MYSM1: variants seen among roughly 807,000 people sequenced by gnomAD.
The protein encoded by MYSM1 is deubiquitinase MYSM1.
Under a neutral mutation model 116.0 loss-of-function variants are expected in MYSM1, and 51 were observed. The observed-to-expected ratio is 0.44, with a 90% CI of 0.35 to 0.56. MYSM1 has a LOEUF of 0.56. Ranked by LOEUF, MYSM1 falls within the 20% of genes least tolerant of loss-of-function variation. The pLI, the probability that MYSM1 is intolerant of heterozygous loss-of-function variation, is 0.00. For missense variants in MYSM1, 900 were observed against 974.9 expected (o/e 0.92, Z 1.02); for synonymous variants, 313 against 315.2 (o/e 0.99, Z 0.07).
Position 58,672,064 on chromosome 1 carries a change from TA to T in MYSM1, c.1573-107del, listed in dbSNP as rs1411595113. 6.0e-5 allele frequency: 47 copies of T among 788,022 alleles called. No homozygotes were observed. The Admixed American group carries it at 1.2e-3, about 19-fold the overall frequency. The allele number at this position is 788,022 out of a possible 1,614,324, so 48.8% of individuals were successfully genotyped here. On this transcript the variant is annotated intron_variant, in intron 11 of 19. Transcript: ENST00000472487. ...AAGGGCATGTGAGGACAAGAGAGAC[TA>T]AATTGATATAGATGGGCTTCCTTTT...
intron 9 of MYSM1, among the ~76,000 whole-genome samples, chr1:58,676,291 C>G (rs1330745899): frequency 6.6e-6 from 1 of 151,878 alleles, no homozygotes; most frequent in Non-Finnish European, 1.5e-5. Flanking sequence ...TGGCATGCGC[C>G]TGTAGTCCCA....
rs901280980 is a variant in MYSM1 at position 58,682,322 on chromosome 1, G to C, written c.722C>G (p.Ser241Cys). The C allele has an allele frequency of 6.2e-7, 1 of 1,613,758 alleles. No homozygotes were observed. Among genetic ancestry groups the C allele is most frequent in the South Asian group, 1.1e-5 (1 of 91,074 alleles). ...AAAGTCTAACAAGAGATCACTGCTA[G>C]AATTCTTCTGGGGTGTTTGAGAAGA... Reference protein sequence around the residue: ...ELSSQTPQKNSSSDLLLDFPN... With the variant: ...ELSSQTPQKNCSSDLLLDFPN... The change falls in exon 8 of 20, where the codon TCT becomes TGT. Residue 241 changes from serine (S) to cysteine (C), a missense_variant. Coordinates refer to ENST00000472487, the MANE Select transcript of MYSM1 (RefSeq NM_001085487.3).
At chr1:58,685,621 C>T (rs1436916601) in intron 6 of MYSM1, among the ~76,000 whole-genome samples, 2 of 151,476 alleles carry the variant, frequency 1.3e-5, no homozygotes, top group Non-Finnish European at 3.0e-5. Context: ...TCCATTTATA[C>T]GATCAACTGA....
intron 14 of MYSM1, 91 bp from the exon 15 acceptor site, chr1:58,668,012 A>G: frequency 1.1e-6 from 1 of 880,024 alleles, no homozygotes. Context: ...GTCATTTGTA[A>G]GTATAGCCAT....
Position 58,695,663 on chromosome 1 carries a change from A to T in MYSM1, c.69-456T>A, listed in dbSNP as rs146998039. On this transcript the variant is annotated intron_variant, in intron 1 of 19. Transcript: ENST00000472487. ...TAGCACCACCTATAAAATGAAAGAA[A>T]AAAAAAAAACTAGATGAGAGAACCA... Among the ~76,000 whole-genome samples the T allele has an allele frequency of 6.6e-3, 1,010 of 152,052 alleles. 6 individuals carry two copies. The highest frequency in any genetic ancestry group is 0.019 in the East Asian group (101 of 5,182).
intron 17 of MYSM1, among the ~76,000 whole-genome samples, chr1:58,663,630 T>C (rs1022115849): frequency 1.3e-5 from 2 of 152,252 alleles, no homozygotes; most frequent in Non-Finnish European, 2.9e-5. Context: ...GGGAGCATCA[T>C]GGATAGTTCC....
rs1026882815 is a variant in MYSM1 at position 58,658,819 on chromosome 1, C to T, written c.*1178G>A. On this transcript the variant is annotated 3_prime_UTR_variant, in exon 20 of 20. Coordinates refer to ENST00000472487, the MANE Select transcript of MYSM1 (RefSeq NM_001085487.3). ...GAGTTTTGGTGTCATTTGAAGATGA[C>T]GTAAAGCTTAACAAATGTAAAACAA... is the stretch of plus-strand genomic sequence containing the variant. 3 of 151,964 alleles carry T rather than the reference C, an allele frequency of 2.0e-5. No homozygotes were observed. Among genetic ancestry groups the T allele is most frequent in the African/African-American group, 2.4e-5 (1 of 41,368 alleles). The allele number at this position is 151,964 out of a possible 1,614,324, so 9.4% of individuals were successfully genotyped here. A position where few individuals can be genotyped will look rare whatever the true frequency, so the allele number is the denominator to read the frequency against.
In MYSM1 at chr1:58,669,851, A is replaced by AC. The variant is rs1161623025; in HGVS notation, c.1662-814_1662-813insG. ...ACCCTGTCTCCAAAAAAAAAAAAAA[A>AC]AAAAAAAAAAACAAAAAAGTGAAAA... On this transcript the variant is annotated intron_variant, in intron 12 of 19. Transcript: ENST00000472487. Among the ~76,000 whole-genome samples, 41 of 146,668 alleles carry AC rather than the reference A, an allele frequency of 2.8e-4. 4 individuals carry two copies. The highest frequency in any genetic ancestry group is 1.3e-3 in the South Asian group (6 of 4,638).
chr1:58,680,127 T>G (rs138123648), intron 8 of MYSM1, among the ~76,000 whole-genome samples: 1 of 152,052 alleles, frequency 6.6e-6, no homozygotes, highest in African/African-American at 2.4e-5. Flanking sequence ...ATTTTGGCCA[T>G]TCACCCTCTT....
Position 58,673,639 on chromosome 1 carries a change from T to C in MYSM1, c.1506A>G (p.Arg502=). ...TTCCCCATGGGTCTCGGACCCTACGTCTCCTTGTACGCTGCGATGAGATTA... is the reference window on the plus strand; with the variant it reads ...TTCCCCATGGGTCTCGGACCCTACGCCTCCTTGTACGCTGCGATGAGATTA... ...AQRLQSMRTR[R]RRVRDPWGNW... is the part of the protein sequence containing the mutation. Residue 502 remains arginine (R), a synonymous_variant, in exon 11 of 20, where the codon AGA becomes AGG. Transcript: ENST00000472487. 6.2e-7 allele frequency: 1 copy of C among 1,613,892 alleles called. No homozygotes were observed. The highest frequency in any genetic ancestry group is 8.5e-7 in the Non-Finnish European group (1 of 1,179,852).
chr1:58,693,244 C>T (rs1008800262), intron 2 of MYSM1, among the ~76,000 whole-genome samples: 3 of 152,194 alleles, frequency 2.0e-5, no homozygotes, highest in Admixed American at 6.5e-5. Flanking sequence ...ATTTGTTAGG[C>T]ATCAGACACT....
At chr1:58,666,576 CTT>C (rs36057863) in intron 16 of MYSM1, among the ~76,000 whole-genome samples, 7 of 131,616 alleles carry the variant, frequency 5.3e-5, no homozygotes, top group Non-Finnish European at 7.8e-5. Flanking sequence ...TATTTTTTTT[CTT>C]TTTTTTTTTT....
At chr1:58,692,830 C>G in intron 3 of MYSM1, 31 bp downstream of exon 3, 1 of 1,557,670 alleles carries the variant, frequency 6.4e-7, no homozygotes, top group Non-Finnish European at 8.7e-7. Context: ...ACCCTGAAAC[C>G]TGTACTTTCC....
rs1330125321 is a variant in MYSM1 at position 58,700,028 on chromosome 1, C to G, written c.25G>C (p.Asp9His). 5.6e-6 allele frequency: 9 copies of G among 1,613,664 alleles called. No homozygotes were observed. Among genetic ancestry groups the G allele is most frequent in the Non-Finnish European group, 7.6e-6 (9 of 1,180,036 alleles). ...GCCGCTACCACGTCCCCTTCGATAT[C>G]CACATCCGCCTCTTCAGCCGCCATG... MAAEEADV[D>H]IEGDVVAAAG... Residue 9 changes from aspartate to histidine, a missense_variant, in exon 1 of 20, where the codon GAT becomes CAT. By Grantham distance (81) the Asp-to-His change is moderately conservative. This residue lies in a region of MYSM1 where 622 missense variants were observed against 623.7 expected (regional missense o/e 1.00). Transcript: ENST00000472487.
rs773215466 is a variant in MYSM1 at position 58,665,557 on chromosome 1, T to C, written c.2106A>G (p.Pro702=). The C allele has an allele frequency of 1.4e-5, 23 of 1,600,878 alleles. No homozygotes were observed. The highest frequency in any genetic ancestry group is 1.8e-5 in the Non-Finnish European group (21 of 1,168,278). The change falls in exon 17 of 20, where the codon CCA becomes CCG. Residue 702 remains proline, a synonymous_variant. Transcript: ENST00000472487. ...VSPYNRNNPL[P]YSQITCLVIS... ...TAACCAGGCAGGTAATCTGAGAATATGGTAAGGGATTATTTCGATTATAGG... is the reference window on the plus strand; with the variant it reads ...TAACCAGGCAGGTAATCTGAGAATACGGTAAGGGATTATTTCGATTATAGG...
At chr1:58,681,512 C>T (rs1644741117) in intron 8 of MYSM1, among the ~76,000 whole-genome samples, 1 of 152,200 alleles carries the variant, frequency 6.6e-6, no homozygotes, top group East Asian at 1.9e-4. Flanking sequence ...TCTATATCTT[C>T]CTAACGCTGT....
chr1:58,691,141 G>A (rs2811859), intron 3 of MYSM1, among the ~76,000 whole-genome samples: 4,094 of 152,130 alleles, frequency 0.027, 179 homozygotes, highest in African/African-American at 0.09. Context: ...TTAGCCAGGC[G>A]TGGTGGCGGG....
intron 17 of MYSM1, among the ~76,000 whole-genome samples, chr1:58,662,245 A>G (rs923829637): frequency 1.4e-4 from 22 of 152,124 alleles, no homozygotes; most frequent in African/African-American, 1.9e-4. Context: ...ATTCATCTAG[A>G]AAGGAAAAAA....
At chr1:58,674,914 G>A (rs1205678722) in intron 10 of MYSM1, among the ~76,000 whole-genome samples, 2 of 141,286 alleles carry the variant, frequency 1.4e-5, no homozygotes, top group Admixed American at 7.3e-5. Context: ...GTGACACAGC[G>A]AGACTCTGTC....
Sources: gnomAD v4.1 joint callset for allele counts (sites outside exome capture counted in the v4.1 genomes callset) on GRCh38, gnomAD v4.1.1 for gene constraint, gnomAD v4.1.1 regional missense constraint, MANE v1.5 for transcripts, NCBI Gene and HGNC (gene_info 2026-07-23, HGNC 2026-07-21) for gene names.